The following LIG1 variants were observed in gnomAD, a reference collection of about 807,000 sequenced individuals.
LIG1 encodes the protein DNA ligase 1.
Under a neutral mutation model 115.7 loss-of-function variants are expected in LIG1, and 70 were observed. That is an observed-to-expected ratio of 0.60 (90% confidence interval 0.50 to 0.74). The LOEUF is 0.74. Among genes scored for constraint, LIG1 ranks in the 30% least tolerant of loss-of-function variants. LIG1 has a pLI of 0.00. For missense variants in LIG1, 1,115 were observed against 1,225.6 expected, an observed-to-expected ratio of 0.91 and a Z score of 1.35; for synonymous variants, 487 against 495.3, an observed-to-expected ratio of 0.98 and a Z score of 0.22.
At chr19:48,120,918 G>A (rs1374108487) in intron 24 of LIG1, 1 of 1,327,158 alleles carries the variant, frequency 7.5e-7, no homozygotes, top group Non-Finnish European at 9.6e-7. Flanking sequence ...TCTTATGTGA[G>A]CCACCACTAT....
intron 21 of LIG1, among the ~76,000 whole-genome samples, chr19:48,126,344 G>A (rs570178428): frequency 6.6e-6 from 1 of 152,038 alleles, no homozygotes; most frequent in African/African-American, 2.4e-5. Flanking sequence ...GGTGGTTCAC[G>A]CCTGTAATCC....
chr19:48,126,890 T>C (rs915733593), intron 21 of LIG1: 1 of 260,590 alleles, frequency 3.8e-6, no homozygotes, highest in Non-Finnish European at 7.7e-6. Flanking sequence ...AAATAACATA[T>C]TTTGATGAAA....
rs938665721 is a variant in LIG1 at position 48,143,460 on chromosome 19, G to A, written c.914+83C>T. ...AGAGGCCAAGTTGACAGGGTTTGGC[G>A]GAACAAGGCAGCACAGACCGCCATG... On this transcript the variant is annotated intron_variant, in intron 11 of 27. Transcript: ENST00000263274. 116 of 1,242,820 alleles carry A rather than the reference G, an allele frequency of 9.3e-5. No individual in the cohort carries two copies. In the African/African-American group the frequency reaches 1.1e-3, roughly 12 times the overall value. The allele number at this position is 1,242,820 out of a possible 1,614,324, so 77.0% of individuals were successfully genotyped here. A position where few individuals can be genotyped will look rare whatever the true frequency, so the allele number is the denominator to read the frequency against.
intron 12 of LIG1, 57 bp downstream of exon 12, chr19:48,139,914 C>T: frequency 6.3e-7 from 1 of 1,590,944 alleles, no homozygotes; most frequent in East Asian, 2.2e-5. Flanking sequence ...CTGACCTCTG[C>T]ATTTTCTCTG....
intron 9 of LIG1, among the ~76,000 whole-genome samples, chr19:48,145,644 G>A (rs560667572): frequency 7.9e-5 from 12 of 152,252 alleles, no homozygotes; most frequent in African/African-American, 2.4e-4. Flanking sequence ...AGCGGTGGCC[G>A]GCATTACAAT....
chr19:48,115,652 G>T lies in LIG1; in HGVS notation c.2757C>A (p.Tyr919Ter). The T allele has an allele frequency of 6.2e-7, 1 of 1,612,060 alleles. No homozygotes were observed. Residue 919 changes from tyrosine (Y) to a stop codon, truncating the protein, a stop_gained, in exon 28 of 28, where the codon TAC becomes TAA. Transcript: ENST00000263274. LOFTEE classifies it high-confidence loss of function. ...CAGGCCCTAGGAGGGCGAGGGCTTA[G>T]TAGGTATCTTCAGGGTCAGAGCCTG... ...EDSGSDPEDT[Y>*]
chr19:48,132,786 GTC>G (rs2034113798), intron 18 of LIG1, among the ~76,000 whole-genome samples, 194 bp downstream of exon 18: 1 of 69,736 alleles, frequency 1.4e-5, no homozygotes, highest in African/African-American at 1.1e-4. Flanking sequence ...GTGAGACTCT[GTC>G]TCAAAAAAAA....
intron 4 of LIG1, among the ~76,000 whole-genome samples, chr19:48,160,725 C>G (rs2036122739): frequency 1.3e-5 from 2 of 151,820 alleles, no homozygotes; most frequent in Admixed American, 1.3e-4. Context: ...ACTTTTGAAC[C>G]CTTATTTTTT....
intron 9 of LIG1, among the ~76,000 whole-genome samples, chr19:48,146,335 G>A (rs1442193147): frequency 6.6e-6 from 1 of 152,184 alleles, no homozygotes; most frequent in Non-Finnish European, 1.5e-5. Context: ...AAATTAAAGG[G>A]GTTTGGAATA....
At chr19:48,123,069 G>A (rs927933700) in intron 22 of LIG1, 53 bp from the exon 23 acceptor site, 38 of 1,610,722 alleles carry the variant, frequency 2.4e-5, no homozygotes, top group African/African-American at 8.0e-5. Context: ...CACAAGCGCC[G>A]GAGCAGGCAG....
intron 18 of LIG1, among the ~76,000 whole-genome samples, chr19:48,132,157 C>T (rs1368850074): frequency 6.6e-6 from 1 of 152,006 alleles, no homozygotes; most frequent in Non-Finnish European, 1.5e-5. Context: ...AGGCTGGTCT[C>T]CTCAGGGGTC....
At chr19:48,124,937 C>T (rs751298858) in intron 21 of LIG1, among the ~76,000 whole-genome samples, 13 of 151,460 alleles carry the variant, frequency 8.6e-5, no homozygotes, top group African/African-American at 2.9e-4. Context: ...ATCACTTGAA[C>T]GCCAGAGGCG....
chr19:48,123,805 T>G (rs923446529), intron 21 of LIG1, among the ~76,000 whole-genome samples: 2 of 151,000 alleles, frequency 1.3e-5, no homozygotes, highest in Non-Finnish European at 2.9e-5. Context: ...CCCAAAGTGT[T>G]GGGATTACAG....
At chr19:48,119,235 C>G (rs2033091701) in intron 24 of LIG1, 45 bp from the exon 25 acceptor site, 3 of 1,490,538 alleles carry the variant, frequency 2.0e-6, no homozygotes, top group Non-Finnish European at 1.8e-6. Context: ...CAGCCACAGG[C>G]CCAGCACTTG....
chr19:48,117,538 TG>T, intron 26 of LIG1, 99 bp downstream of exon 26: 1 of 1,248,816 alleles, frequency 8.0e-7, no homozygotes, highest in Non-Finnish European at 1.1e-6. Context: ...GATCCTTACC[TG>T]GAAGAGCAGA....
rs2122275017 is a variant in LIG1, at chr19:48,117,520, A to G, written c.2583+118T>C. 5 of 1,120,946 alleles carry G rather than the reference A, an allele frequency of 4.5e-6. 1 individual carries two copies. In the South Asian group the frequency reaches 5.7e-5, roughly 13 times the overall value. The allele number at this position is 1,120,946 out of a possible 1,614,324, so 69.4% of individuals were successfully genotyped here. On this transcript the variant is annotated intron_variant, in intron 26 of 27. Transcript: ENST00000263274. ...TGACACTCAAATAAAATGCAAGCTC[A>G]TCTTCCTGATCCTTACCTGGAAGAG...
chr19:48,169,184 CG>C (rs2036634156), intron 1 of LIG1, among the ~76,000 whole-genome samples: 1 of 152,100 alleles, frequency 6.6e-6, no homozygotes, highest in Non-Finnish European at 1.5e-5. Flanking sequence ...AACACATTAG[CG>C]GTTGCCAGGG....
At chr19:48,129,711 AGAG>A (rs1396208564) in intron 19 of LIG1, among the ~76,000 whole-genome samples, 1 of 152,164 alleles carries the variant, frequency 6.6e-6, no homozygotes, top group Non-Finnish European at 1.5e-5. Flanking sequence ...GGTGTTGGAC[AGAG>A]GAGGGGGCCT....
rs1301102657 is a variant in LIG1 at position 48,137,688 on chromosome 19, C to A, written c.1088G>T (p.Gly363Val). The change falls in exon 13 of 28, where the codon GGT becomes GTT. Residue 363 changes from glycine (G) to valine (V), a missense_variant and splice_region_variant. Gly to Val is a moderately radical substitution (Grantham distance 109). Coordinates refer to ENST00000263274, the MANE Select transcript of LIG1 (RefSeq NM_000234.3). This position sits in a 1 kb window ranked among gnomAD's most constrained non-coding sequence, Gnocchi z 4.3. Reference sequence around the variant, plus strand: ...AGCCCGGACGGACTCCAGCTGCCGACCTTCAGGGGAGAGCGCGGGTGGGGG... The same window carrying A: ...AGCCCGGACGGACTCCAGCTGCCGAACTTCAGGGGAGAGCGCGGGTGGGGG... ...VLLKAVAQAT[G>V]RQLESVRAEA... is the part of the protein sequence containing the mutation. 4 of 1,602,360 alleles carry A rather than the reference C, an allele frequency of 2.5e-6. No homozygotes were observed. The highest frequency in any genetic ancestry group is 2.2e-5 in the East Asian group (1 of 44,840).
Sources: gnomAD v4.1 joint callset for allele counts (sites outside exome capture counted in the v4.1 genomes callset) on GRCh38, gnomAD v4.1.1 for gene constraint, Gnocchi (gnomAD v3.1) non-coding constraint, MANE v1.5 for transcripts, NCBI Gene and HGNC (gene_info 2026-07-23, HGNC 2026-07-21) for gene names.